The following EML6 variants were observed in gnomAD, a reference collection of about 807,000 sequenced individuals.
The protein encoded by EML6 is EMAP like 6, also known as echinoderm microtubule-associated protein-like 6.
In EML6, 154 loss-of-function variants were observed where a neutral mutation model predicts 240.1. The ratio of observed to expected loss-of-function variants is 0.64; its 90% CI spans 0.56 to 0.73. The LOEUF (loss-of-function observed/expected upper bound fraction) is 0.73. Among genes scored for constraint, EML6 ranks in the 30% least tolerant of loss-of-function variants. EML6 has a pLI of 0.00. For synonymous variants in EML6, 1,148 were observed against 899.0 expected (o/e 1.28, Z -4.95); for missense variants, 2,964 against 2,474.6 (o/e 1.20, Z -4.20).
At chr2:54,866,622 A>G (rs1670983407) in intron 13 of EML6, 144 bp from the exon 14 acceptor site, 3 of 458,936 alleles carry the variant, frequency 6.5e-6, no homozygotes, top group Non-Finnish European at 1.2e-5. Flanking sequence ...ATTCATTAGG[A>G]AAAAGTAATA....
intron 28 of EML6, among the ~76,000 whole-genome samples, chr2:54,930,305 C>G (rs932080615): frequency 1.3e-5 from 2 of 152,226 alleles, no homozygotes; most frequent in Non-Finnish European, 2.9e-5. Context: ...CTAACCAAGG[C>G]TCACCTAATC....
chr2:54,955,490 C>T (rs991167757), intron 32 of EML6, among the ~76,000 whole-genome samples: 1 of 152,162 alleles, frequency 6.6e-6, no homozygotes, highest in Admixed American at 6.5e-5. Flanking sequence ...GCGTAAAGCC[C>T]CTTCTTATGT....
At chr2:54,786,666 C>T (rs934441245) in intron 2 of EML6, among the ~76,000 whole-genome samples, 2 of 152,166 alleles carry the variant, frequency 1.3e-5, no homozygotes, top group Non-Finnish European at 2.9e-5. Flanking sequence ...TTATAGGACT[C>T]CATTGAGTCC....
rs949466234 is a variant in EML6, at chr2:54,954,026, C to G, written c.4356C>G (p.His1452Gln). 5.8e-6 allele frequency: 9 copies of G among 1,552,006 alleles called. No individual in the cohort carries two copies. The highest frequency in any genetic ancestry group is 7.8e-6 in the Non-Finnish European group (9 of 1,146,984). ...ACATATGGGACGCCATGACCAAACACACCCTCTCCATGCTGCGGTGCTTCC... is the reference window on the plus strand; with the variant it reads ...ACATATGGGACGCCATGACCAAACAGACCCTCTCCATGCTGCGGTGCTTCC... ...SIHIWDAMTK[H>Q]TLSMLRCFHS... The change falls in exon 32 of 42, where the codon CAC (histidine) becomes CAG (glutamine). Residue 1452 changes from histidine (H) to glutamine (Q), a missense_variant. Coordinates refer to ENST00000356458, the MANE Select transcript of EML6 (RefSeq NM_001039753.4).
At chr2:54,950,877 C>T (rs1675940465) in intron 30 of EML6, 98 bp downstream of exon 30, 6 of 1,273,840 alleles carry the variant, frequency 4.7e-6, no homozygotes, top group Non-Finnish European at 5.4e-6. Context: ...TTTTCCTTCC[C>T]TTATAGAGCC....
intron 2 of EML6, among the ~76,000 whole-genome samples, chr2:54,729,183 T>TG (rs1299602201): frequency 6.6e-6 from 1 of 152,222 alleles, no homozygotes; most frequent in Non-Finnish European, 1.5e-5. Context: ...GTTTGGCCAG[T>TG]GGTAAGTGTG....
At chr2:54,870,189 C>A (rs1485656511) in intron 15 of EML6, among the ~76,000 whole-genome samples, 1 of 152,160 alleles carries the variant, frequency 6.6e-6, no homozygotes, top group African/African-American at 2.4e-5. Context: ...GAGACTCGAC[C>A]TGCAGGTGGT....
chr2:54,888,933 G>C (rs1486969755), intron 17 of EML6, among the ~76,000 whole-genome samples: 3 of 152,174 alleles, frequency 2.0e-5, no homozygotes, highest in Non-Finnish European at 4.4e-5. Flanking sequence ...GTGAGAAATT[G>C]CCAAACTGTC....
chr2:54,814,289 T>A (rs1213689247), intron 3 of EML6, among the ~76,000 whole-genome samples: 1 of 152,192 alleles, frequency 6.6e-6, no homozygotes, highest in Non-Finnish European at 1.5e-5. Flanking sequence ...CTGCTCACCC[T>A]TTTGCCCATT....
intron 34 of EML6, among the ~76,000 whole-genome samples, chr2:54,959,558 T>A (rs1232401717): frequency 6.6e-6 from 1 of 152,056 alleles, no homozygotes; most frequent in Non-Finnish European, 1.5e-5. Flanking sequence ...GGTCAGGAGT[T>A]CAAAACCAGC....
chr2:54,832,306 G>A lies in EML6; in HGVS notation c.847+2829G>A, dbSNP rs757469899. ...ATCCCTCTCTAAGGTGCTCTGTTGCGCTCAGCCAGGCCTTGGTGCCATTAT... is the reference window on the plus strand; with the variant it reads ...ATCCCTCTCTAAGGTGCTCTGTTGCACTCAGCCAGGCCTTGGTGCCATTAT... On this transcript the variant is annotated intron_variant, in intron 7 of 41. Coordinates refer to ENST00000356458, the MANE Select transcript of EML6 (RefSeq NM_001039753.4). 5.9e-5 allele frequency among the ~76,000 whole-genome samples: 9 copies of A among 152,292 alleles called. No individual in the cohort carries two copies. In the South Asian group the frequency reaches 1.0e-3, roughly 18 times the overall value.
At chr2:54,791,307 C>T (rs1206054875) in intron 2 of EML6, among the ~76,000 whole-genome samples, 2 of 152,162 alleles carry the variant, frequency 1.3e-5, no homozygotes, top group African/African-American at 4.8e-5. Context: ...TTTCTCATCT[C>T]TTTTGAAGAT....
intron 24 of EML6, among the ~76,000 whole-genome samples, chr2:54,910,051 A>T (rs1673558466): frequency 6.6e-6 from 1 of 152,150 alleles, no homozygotes; most frequent in African/African-American, 2.4e-5. Flanking sequence ...TGTATACTGA[A>T]TTATTTATAG....
At chr2:54,843,913 G>C in intron 7 of EML6, 134 bp from the exon 8 acceptor site, 1 of 651,570 alleles carries the variant, frequency 1.5e-6, no homozygotes, top group Admixed American at 2.3e-5. Context: ...GAGTCTTTAA[G>C]ATGTGTCACA....
rs923408270 is a variant in EML6 at position 54,774,717 on chromosome 2, T to G, written c.198-38515T>G. Among the ~76,000 whole-genome samples the G allele has an allele frequency of 2.0e-5, 3 of 152,250 alleles. No individual in the cohort carries two copies. Among genetic ancestry groups the G allele is most frequent in the Non-Finnish European group, 4.4e-5 (3 of 68,042 alleles). ...CAAGATGTTTTTCTCCCCGAGGATC[T>G]TGTGGGACTAAAAGAGTTGGCATCC... On this transcript the variant is annotated intron_variant, in intron 2 of 41. Coordinates refer to ENST00000356458, the MANE Select transcript of EML6 (RefSeq NM_001039753.4). The surrounding 1 kb of genome is among the most constrained non-coding windows in gnomAD (Gnocchi z 4.1).
At chr2:54,800,300 A>G (rs1431543633) in intron 2 of EML6, among the ~76,000 whole-genome samples, 2 of 152,180 alleles carry the variant, frequency 1.3e-5, no homozygotes, top group African/African-American at 4.8e-5. Context: ...AAAGGGTCAA[A>G]TAGCTCAGAT....
Position 54,829,646 on chromosome 2 carries a change from G to A in EML6, c.847+169G>A, listed in dbSNP as rs529128248. Among the ~76,000 whole-genome samples the A allele has an allele frequency of 1.6e-4, 24 of 152,136 alleles. No homozygotes were observed. In the South Asian group the frequency reaches 3.9e-3, roughly 25 times the overall value. ...AAATGGATGTCCTTTTTCCTAATTC[G>A]CACAAATGCATCTGCATGAACCAGC... On this transcript the variant is annotated intron_variant, in intron 7 of 41. Coordinates refer to ENST00000356458, the MANE Select transcript of EML6 (RefSeq NM_001039753.4).
chr2:54,915,600 G>A (rs1167692823), intron 25 of EML6, among the ~76,000 whole-genome samples: 1 of 152,088 alleles, frequency 6.6e-6, no homozygotes, highest in Non-Finnish European at 1.5e-5. Context: ...CCACCTCTGT[G>A]TGCCTCCAAA....
At chr2:54,854,296 C>T (rs2103781452) in intron 11 of EML6, among the ~76,000 whole-genome samples, 1 of 152,288 alleles carries the variant, frequency 6.6e-6, no homozygotes. Context: ...TTATGGACCT[C>T]TCGTCATAGC....
Sources: gnomAD v4.1 joint callset for allele counts (sites outside exome capture counted in the v4.1 genomes callset) on GRCh38, gnomAD v4.1.1 for gene constraint, Gnocchi (gnomAD v3.1) non-coding constraint, MANE v1.5 for transcripts, NCBI Gene and HGNC (gene_info 2026-07-23, HGNC 2026-07-21) for gene names.